Variants in CHM observed in about 807,000 individuals in gnomAD.
The protein encoded by CHM is CHM Rab escort protein.
CHM carries 10 observed loss-of-function variants against 49.0 expected under a neutral mutation model. That is an observed-to-expected ratio of 0.20 (90% CI 0.13 to 0.35). The LOEUF (loss-of-function observed/expected upper bound fraction) is 0.35. Among genes scored for constraint, CHM ranks in the 10% least tolerant of loss-of-function variants. The pLI, the probability that CHM is intolerant of heterozygous loss-of-function variation, is 1.00. For synonymous variants in CHM, 184 were observed against 167.5 expected, an observed-to-expected ratio of 1.10 and a Z score of -0.76; for missense variants, 455 against 478.4, an observed-to-expected ratio of 0.95 and a Z score of 0.46.
chrX:85,925,300 AATG>A (rs1182610685), intron 8 of CHM, among the ~76,000 whole-genome samples: 2 of 111,275 alleles, frequency 1.8e-5, no homozygotes, highest in Non-Finnish European at 3.8e-5. Flanking sequence ...AGCTTATCAC[AATG>A]ATGTCAATGG....
At chrX:86,021,055 CACAT>C (rs1234810995) in intron 2 of CHM, among the ~76,000 whole-genome samples, 1 of 95,638 alleles carries the variant, frequency 1.0e-5, no homozygotes, top group Non-Finnish European at 2.1e-5. Flanking sequence ...CATATATACA[CACAT>C]ATATATACAC....
chrX:85,889,210 A>T (rs899747545), intron 12 of CHM, among the ~76,000 whole-genome samples: 11 of 112,269 alleles, frequency 9.8e-5, no homozygotes. Context: ...AAAAATTGAC[A>T]AATGGGACTT....
At chrX:85,976,875 A>ACACAC (rs371385149) in intron 4 of CHM, among the ~76,000 whole-genome samples, 12 of 76,291 alleles carry the variant, frequency 1.6e-4, no homozygotes, top group African/African-American at 4.0e-4. Flanking sequence ...AACACACACA[A>ACACAC]ACACACACAC....
At chrX:85,884,909 C>T (rs751012732) in intron 12 of CHM, among the ~76,000 whole-genome samples, 1 of 110,837 alleles carries the variant, frequency 9.0e-6, no homozygotes, top group Non-Finnish European at 1.9e-5. Flanking sequence ...TACATTTTAT[C>T]TTATTACATG....
intron 7 of CHM, 116 bp from the exon 8 acceptor site, chrX:85,956,494 T>C: frequency 9.9e-7 from 1 of 1,010,480 alleles, no homozygotes; most frequent in South Asian, 2.5e-5. Flanking sequence ...ATAGGTGGTA[T>C]TACATTTTGG....
intron 11 of CHM, among the ~76,000 whole-genome samples, chrX:85,898,986 G>A (rs1461430877): frequency 8.9e-6 from 1 of 112,014 alleles, no homozygotes; most frequent in Non-Finnish European, 1.9e-5. Flanking sequence ...TGTATATAAC[G>A]TTCATTTATT....
Position 85,996,104 on chromosome X carries a change from G to A in CHM, c.117-14295C>T, listed in dbSNP as rs1420786395. Among the ~76,000 whole-genome samples, 14 of 111,839 alleles carry A rather than the reference G, an allele frequency of 1.3e-4. No homozygotes were observed. The Admixed American group carries it at 1.3e-3, about 11-fold the overall frequency. The stretch of plus-strand genomic sequence containing the variant: ...TCACATATATATGATTATTTTGGTA[G>A]AAGAGAAAGAGCCATTTTATTTTAC... On this transcript the variant is annotated intron_variant, in intron 2 of 14. Coordinates refer to ENST00000357749, the MANE Select transcript of CHM (RefSeq NM_000390.4).
intron 14 of CHM, among the ~76,000 whole-genome samples, chrX:85,867,219 G>A (rs143621274): frequency 0.015 from 1,710 of 111,655 alleles, 38 homozygotes; most frequent in African/African-American, 0.051. Context: ...TGCTGTCCTC[G>A]TGATAGTGAC....
chrX:85,937,907 A>G (rs1455138213), intron 8 of CHM, among the ~76,000 whole-genome samples: 1 of 111,123 alleles, frequency 9.0e-6, no homozygotes, highest in African/African-American at 3.3e-5. Context: ...AAAGAAGGAA[A>G]TCAAACTCTA....
At chrX:85,971,294 TAAAG>T (rs1434808574) in intron 4 of CHM, 1 of 702,664 alleles carries the variant, frequency 1.4e-6, no homozygotes, top group Non-Finnish European at 1.7e-6. Flanking sequence ...CTCACTGACT[TAAAG>T]AATGAAGCCG....
At chrX:85,916,817 G>A (rs1464428515) in intron 8 of CHM, among the ~76,000 whole-genome samples, 2 of 112,341 alleles carry the variant, frequency 1.8e-5, no homozygotes, top group African/African-American at 6.5e-5. Context: ...AGGTTGTGGT[G>A]AAAAAGGAAT....
At chrX:85,868,734 T>C (rs1426150512) in intron 14 of CHM, among the ~76,000 whole-genome samples, 1 of 111,525 alleles carries the variant, frequency 9.0e-6, no homozygotes, top group African/African-American at 3.3e-5. Flanking sequence ...TCCATCTCCA[T>C]GCCATCCTCA....
At chrX:85,867,196 G>A (rs1468359148) in intron 14 of CHM, among the ~76,000 whole-genome samples, 1 of 111,466 alleles carries the variant, frequency 9.0e-6, no homozygotes, top group African/African-American at 3.3e-5. Context: ...GATTATGGGG[G>A]CACTTTTCCC....
chrX:85,960,690 T>A (rs1177842062), intron 5 of CHM, among the ~76,000 whole-genome samples: 1 of 111,116 alleles, frequency 9.0e-6, no homozygotes, highest in Non-Finnish European at 1.9e-5. Context: ...CCTCCCAAAG[T>A]GCTGGGATTA....
chrX:85,956,109 A>G (rs1603262337), intron 8 of CHM, 44 bp downstream of exon 8: 9 of 1,084,719 alleles, frequency 8.3e-6, no homozygotes, highest in Non-Finnish European at 1.1e-5. Flanking sequence ...CTGTTATTCA[A>G]GTATCACTTT....
chrX:85,923,335 G>A lies in CHM; in HGVS notation c.1167-11997C>T, dbSNP rs758782898. ...ACGCTTTTGTTAGCTATCATCTTCCGTAGCAAAGGAGATAATAATTACAGA... is the reference window on the plus strand; with the variant it reads ...ACGCTTTTGTTAGCTATCATCTTCCATAGCAAAGGAGATAATAATTACAGA... On this transcript the variant is annotated intron_variant, in intron 8 of 14. Coordinates refer to ENST00000357749, the MANE Select transcript of CHM (RefSeq NM_000390.4). Among the ~76,000 whole-genome samples, 38 of 112,366 alleles carry A rather than the reference G, an allele frequency of 3.4e-4. 1 individual carries two copies. The highest frequency in any genetic ancestry group is 1.3e-3 in the Admixed American group (14 of 10,617).
At chrX:85,893,156 G>A (rs965531373) in intron 12 of CHM, among the ~76,000 whole-genome samples, 2 of 111,487 alleles carry the variant, frequency 1.8e-5, no homozygotes, top group African/African-American at 6.5e-5. Flanking sequence ...GTTCCATTAG[G>A]TGAGCAGTAA....
At chrX:85,886,511 TA>T (rs776931393) in intron 12 of CHM, among the ~76,000 whole-genome samples, 32 of 111,616 alleles carry the variant, frequency 2.9e-4, no homozygotes, top group Middle Eastern at 4.6e-3. Flanking sequence ...AAGAGAAAAA[TA>T]AATGAGTTAC....
chrX:85,969,728 G>T (rs1219696846), intron 4 of CHM: 1 of 111,321 alleles, frequency 9.0e-6, no homozygotes. Flanking sequence ...ATCAACAAAT[G>T]AATTAACAAG....
Sources: gnomAD v4.1 joint callset for allele counts (sites outside exome capture counted in the v4.1 genomes callset) on GRCh38, gnomAD v4.1.1 for gene constraint, MANE v1.5 for transcripts, NCBI Gene and HGNC (gene_info 2026-07-23, HGNC 2026-07-21) for gene names.